Variants in THOC2 observed in about 807,000 individuals in gnomAD.
THOC2 encodes the protein THO complex 2.
In THOC2, 10 loss-of-function variants were observed where a neutral mutation model predicts 128.4. The ratio of observed to expected loss-of-function variants is 0.08; its 90% CI spans 0.05 to 0.13. The LOEUF (loss-of-function observed/expected upper bound fraction) is 0.13. Ranked by LOEUF, THOC2 falls within the 10% of genes least tolerant of loss-of-function variation. The pLI, the probability that THOC2 is intolerant of heterozygous loss-of-function variation, is 1.00. For synonymous variants in THOC2, 393 were observed against 396.9 expected, an observed-to-expected ratio of 0.99 and a Z score of 0.12; for missense variants, 535 against 1,155.7, an observed-to-expected ratio of 0.46 and a Z score of 7.79.
chrX:123,661,508 G>A (rs1225808643), intron 12 of THOC2, among the ~76,000 whole-genome samples: 1 of 110,952 alleles, frequency 9.0e-6, no homozygotes, highest in East Asian at 2.8e-4. Context: ...TGGGGGTGAG[G>A]GGGAATAAAC....
chrX:123,608,077 C>T (rs957626146), intron 38 of THOC2, among the ~76,000 whole-genome samples: 3 of 110,147 alleles, frequency 2.7e-5, no homozygotes, highest in African/African-American at 6.6e-5. Context: ...GGCGAAACCC[C>T]GTTTCCATTT....
At chrX:123,667,369 A>G (rs2049088727) in intron 10 of THOC2, 91 bp from the exon 11 acceptor site, 1 of 595,064 alleles carries the variant, frequency 1.7e-6, no homozygotes, top group East Asian at 3.5e-5. Flanking sequence ...CCTAAGCAAC[A>G]CATCAAAAAT....
rs746970138 is a variant in THOC2 at position 123,733,010 on chromosome X, C to A, written c.13G>T (p.Ala5Ser). MAAA[A>S]VVVPAEWIKN... The stretch of plus-strand genomic sequence containing the variant: ...ATCCACTCTGCGGGAACCACCACAG[C>A]CGCGGCCGCCATCTTCCTCTCACTA... The change falls in exon 1 of 39, where the codon GCT (alanine) becomes TCT (serine). Residue 5 changes from alanine to serine, a missense_variant. By Grantham distance (99) the Ala-to-Ser change is moderately conservative. Coordinates refer to ENST00000245838, the MANE Select transcript of THOC2 (RefSeq NM_001081550.2). 2 of 1,209,991 alleles carry A rather than the reference C, an allele frequency of 1.7e-6. No individual in the cohort carries two copies. The highest frequency in any genetic ancestry group is 2.2e-6 in the Non-Finnish European group (2 of 895,076).
At chrX:123,694,449 T>C (rs1035181854) in intron 7 of THOC2, among the ~76,000 whole-genome samples, 1 of 109,768 alleles carries the variant, frequency 9.1e-6, no homozygotes, top group African/African-American at 3.3e-5. Flanking sequence ...ACTCCATCTC[T>C]ACTAAAAATA....
chrX:123,661,298 G>A (rs149773973), intron 12 of THOC2, among the ~76,000 whole-genome samples: 143 of 111,179 alleles, frequency 1.3e-3, no homozygotes, highest in Middle Eastern at 4.6e-3. Context: ...CCAGCTACTC[G>A]GGAGGCTGAA....
In THOC2 at chrX:123,732,996, G is replaced by A. The variant is rs1029803929; in HGVS notation, c.27C>T (p.Pro9=). Residue 9 remains proline, a synonymous_variant, in exon 1 of 39, where the codon CCC becomes CCT. Coordinates refer to ENST00000245838, the MANE Select transcript of THOC2 (RefSeq NM_001081550.2). MAAAAVVV[P]AEWIKNWEKS... ...TCTCCCAGTTCTTTATCCACTCTGC[G>A]GGAACCACCACAGCCGCGGCCGCCA... The A allele has an allele frequency of 1.7e-6, 2 of 1,209,936 alleles. No homozygotes were observed. Among genetic ancestry groups the A allele is most frequent in the Non-Finnish European group, 2.2e-6 (2 of 895,133 alleles).
chrX:123,600,790 C>T lies in THOC2; in HGVS notation c.*567G>A, dbSNP rs1026746903. ...GAAAAAATGGCAAGGGACAAGTGAT[C>T]GCTGGTACCTTTTTCTTTTTTAAAC... is the stretch of plus-strand genomic sequence containing the variant. On this transcript the variant is annotated 3_prime_UTR_variant, in exon 39 of 39. Coordinates refer to ENST00000245838, the MANE Select transcript of THOC2 (RefSeq NM_001081550.2). The T allele has an allele frequency of 3.6e-5, 4 of 111,995 alleles. No individual in the cohort carries two copies. Among genetic ancestry groups the T allele is most frequent in the Admixed American group, 9.5e-5 (1 of 10,540 alleles). 9.2% of individuals were successfully genotyped at this position (111,995 alleles called of 1,213,427 possible). A position where few individuals can be genotyped will look rare whatever the true frequency, so the allele number is the denominator to read the frequency against.
chrX:123,644,959 A>T, intron 13 of THOC2, 50 bp from the exon 14 acceptor site: 1 of 1,023,968 alleles, frequency 9.8e-7, no homozygotes, highest in Non-Finnish European at 1.3e-6. Context: ...ATATTAATAT[A>T]ACCAACAATA....
intron 4 of THOC2, among the ~76,000 whole-genome samples, chrX:123,700,898 T>G (rs1005117095): frequency 9.0e-6 from 1 of 111,077 alleles, no homozygotes; most frequent in African/African-American, 3.3e-5. Flanking sequence ...TCATCATCAT[T>G]ATTATTAGAG....
chrX:123,638,061 T>A lies in THOC2; in HGVS notation c.1903A>T (p.Ile635Phe), dbSNP rs1295585819. ...KERMKHDDTT[I>F]SSWLQSLASF... ...TACTTACTCTGAAGCCAGCTTGAGA[T>A]GGTTGTGTCATCATGTTTCATTCTT... The change falls in exon 18 of 39, where the codon ATC becomes TTC. Residue 635 changes from isoleucine (I) to phenylalanine (F), a missense_variant. Ile to Phe is a conservative substitution (Grantham distance 21). This residue lies in a region of THOC2 where 197 missense variants were observed against 313.4 expected (regional missense o/e 0.63). Transcript: ENST00000245838. 2.5e-6 allele frequency: 3 copies of A among 1,197,661 alleles called. No individual in the cohort carries two copies. The highest frequency in any genetic ancestry group is 1.8e-5 in the African/African-American group (1 of 56,988).
chrX:123,639,182 A>C (rs1464094486), intron 16 of THOC2, among the ~76,000 whole-genome samples, 155 bp from the exon 17 acceptor site: 3 of 112,027 alleles, frequency 2.7e-5, no homozygotes, highest in Non-Finnish European at 1.9e-5. Flanking sequence ...TGGTTTCTAT[A>C]TAAATATTTC....
intron 1 of THOC2, among the ~76,000 whole-genome samples, chrX:123,721,116 A>G (rs955422060): frequency 3.6e-5 from 4 of 110,122 alleles, no homozygotes; most frequent in African/African-American, 9.9e-5. Context: ...ATTTTGTTAA[A>G]TCCTGAACCC....
intron 7 of THOC2, among the ~76,000 whole-genome samples, chrX:123,688,666 T>C (rs866288452): frequency 3.6e-5 from 4 of 111,050 alleles, no homozygotes; most frequent in Middle Eastern, 4.6e-3. Context: ...GAGGCTGCAG[T>C]GAGTCAAGAA....
intron 38 of THOC2, among the ~76,000 whole-genome samples, chrX:123,606,568 T>C (rs2046480896): frequency 9.0e-6 from 1 of 111,318 alleles, no homozygotes; most frequent in Non-Finnish European, 1.9e-5. Flanking sequence ...CACTCCAGCA[T>C]GGGTGACAGA....
chrX:123,604,773 A>C, intron 38 of THOC2, among the ~76,000 whole-genome samples: 1 of 112,009 alleles, frequency 8.9e-6, no homozygotes, highest in East Asian at 2.8e-4. Flanking sequence ...GAGAAACTAT[A>C]AAATCAAGCC....
At chrX:123,650,319 GA>G (rs1188123093) in intron 12 of THOC2, among the ~76,000 whole-genome samples, 1 of 111,824 alleles carries the variant, frequency 8.9e-6, no homozygotes, top group African/African-American at 3.3e-5. Flanking sequence ...ACTAAATATG[GA>G]AAGGAAAGAC....
intron 7 of THOC2, among the ~76,000 whole-genome samples, chrX:123,692,913 T>C: frequency 8.9e-6 from 1 of 111,948 alleles, no homozygotes; most frequent in Non-Finnish European, 1.9e-5. Flanking sequence ...AGGTATCAGT[T>C]TCTGACACTG....
At chrX:123,662,583 G>A (rs1275848429) in intron 12 of THOC2, among the ~76,000 whole-genome samples, 22 of 62,822 alleles carry the variant, frequency 3.5e-4, no homozygotes, top group South Asian at 1.9e-3. Flanking sequence ...GCGAGACTCC[G>A]TCTCAAAAAA....
At chrX:123,708,510 CT>C (rs1269239601) in intron 2 of THOC2, among the ~76,000 whole-genome samples, 195 of 102,205 alleles carry the variant, frequency 1.9e-3, no homozygotes, top group African/African-American at 4.3e-3. Context: ...GTTTTTTTGG[CT>C]TTTTTTTTTT....
Sources: gnomAD v4.1 joint callset for allele counts (sites outside exome capture counted in the v4.1 genomes callset) on GRCh38, gnomAD v4.1.1 for gene constraint, gnomAD v4.1.1 regional missense constraint, MANE v1.5 for transcripts, NCBI Gene and HGNC (gene_info 2026-07-23, HGNC 2026-07-21) for gene names.